The following CREBRF variants were observed in gnomAD, a reference collection of about 807,000 sequenced individuals.
CREBRF encodes the protein CREB3 regulatory factor.
CREBRF carries 5 observed loss-of-function variants against 66.1 expected under a neutral mutation model. That is an observed-to-expected ratio of 0.08 (90% CI 0.04 to 0.16). The LOEUF (loss-of-function observed/expected upper bound fraction) is 0.16, where lower values mean the gene tolerates loss of function less well. Ranked by LOEUF, CREBRF falls within the 10% of genes least tolerant of loss-of-function variation. The pLI, the probability that CREBRF is intolerant of heterozygous loss-of-function variation, is 1.00. For synonymous variants in CREBRF, 229 were observed against 264.4 expected (o/e 0.87, Z 1.30); for missense variants, 531 against 744.9 (o/e 0.71, Z 3.34).
intron 7 of CREBRF, among the ~76,000 whole-genome samples, chr5:173,122,438 T>C (rs1394079411): frequency 6.6e-6 from 1 of 152,016 alleles, no homozygotes; most frequent in African/African-American, 2.4e-5. Flanking sequence ...TGCCACATCA[T>C]TTGAAATCAG....
intron 8 of CREBRF, among the ~76,000 whole-genome samples, chr5:173,126,951 C>T (rs1005049472): frequency 2.0e-5 from 3 of 152,104 alleles, no homozygotes; most frequent in Non-Finnish European, 4.4e-5. Flanking sequence ...CTTTGGGAGG[C>T]TGAGGTGGGA....
chr5:173,104,148 A>T (rs1223728349), intron 4 of CREBRF, among the ~76,000 whole-genome samples: 1 of 152,208 alleles, frequency 6.6e-6, no homozygotes, highest in East Asian at 1.9e-4. Context: ...ATTTACTGTT[A>T]TGATTTCTTA....
chr5:173,067,469 T>C (rs1280408762), intron 1 of CREBRF, among the ~76,000 whole-genome samples: 1 of 152,180 alleles, frequency 6.6e-6, no homozygotes, highest in Non-Finnish European at 1.5e-5. Context: ...TACCTCTTTT[T>C]AGTTCAAGTG....
At chr5:173,102,922 A>G (rs1447850681) in intron 4 of CREBRF, among the ~76,000 whole-genome samples, 1 of 152,130 alleles carries the variant, frequency 6.6e-6, no homozygotes, top group East Asian at 1.9e-4. Flanking sequence ...ACTCCACTCT[A>G]AATTCATCCT....
intron 3 of CREBRF, among the ~76,000 whole-genome samples, chr5:173,087,706 C>G (rs1758201529): frequency 6.6e-6 from 1 of 151,730 alleles, no homozygotes; most frequent in Non-Finnish European, 1.5e-5. Flanking sequence ...AAGGATGCTT[C>G]TGGGTATGGT....
At chr5:173,114,062 C>G (rs907534367) in intron 7 of CREBRF, among the ~76,000 whole-genome samples, 7 of 152,146 alleles carry the variant, frequency 4.6e-5, no homozygotes, top group Non-Finnish European at 1.0e-4. Context: ...CATAGGTGTT[C>G]AATAAACTGT....
chr5:173,075,217 G>C (rs1432389427), intron 1 of CREBRF, among the ~76,000 whole-genome samples: 1 of 152,144 alleles, frequency 6.6e-6, no homozygotes, highest in African/African-American at 2.4e-5. Context: ...ATAATAATCT[G>C]TTTTGAATTT....
In CREBRF at chr5:173,134,352, A is replaced by AT; in HGVS notation, c.*611dup. 3.3e-6 allele frequency: 1 copy of AT among 302,710 alleles called. No homozygotes were observed. The highest frequency in any genetic ancestry group is 2.9e-5 in the South Asian group (1 of 34,806). The allele number at this position is 302,710 out of a possible 1,614,324, so 18.8% of individuals were successfully genotyped here. A position where few individuals can be genotyped will look rare whatever the true frequency, so the allele number is the denominator to read the frequency against. On this transcript the variant is annotated 3_prime_UTR_variant, in exon 9 of 9. Transcript: ENST00000296953. Reference sequence around the variant, plus strand: ...AAAAAGCATATTCTTTGTGCCTTGTATTTTGGGGAAACTCTAAAACTGGTA... The same window carrying AT: ...AAAAAGCATATTCTTTGTGCCTTGTATTTTTGGGGAAACTCTAAAACTGGTA...
intron 7 of CREBRF, among the ~76,000 whole-genome samples, chr5:173,118,066 G>A: frequency 6.6e-6 from 1 of 152,130 alleles, no homozygotes; most frequent in African/African-American, 2.4e-5. Context: ...AGTAGAGACA[G>A]GGTTTCACCA....
chr5:173,066,333 A>G (rs1402687834), intron 1 of CREBRF, among the ~76,000 whole-genome samples: 1 of 152,170 alleles, frequency 6.6e-6, no homozygotes, highest in East Asian at 1.9e-4. Context: ...ACAGTGTAGA[A>G]TGTGACTGCC....
At position 173,086,436 on chromosome 5, in the gene CREBRF, CAT is replaced by C. The variant is rs538900034; in HGVS notation, c.10-62_10-61del. Reference sequence around the variant, plus strand: ...ACTTAGTGGGGGTGGGGTTGGGGCTCATATGTGATAAATTGGTCTCAAAGTAG... The same window carrying C: ...ACTTAGTGGGGGTGGGGTTGGGGCTCATGTGATAAATTGGTCTCAAAGTAG... On this transcript the variant is annotated intron_variant, in intron 2 of 8. Transcript: ENST00000296953. The C allele has an allele frequency of 2.9e-4, 423 of 1,474,538 alleles. 2 individuals carry two copies. The South Asian group carries it at 3.1e-3, about 11-fold the overall frequency. 91.3% of individuals were successfully genotyped at this position (1,474,538 alleles called of 1,614,324 possible).
At position 173,091,218 on chromosome 5, in the gene CREBRF, G is replaced by A. The variant is rs1158846222; in HGVS notation, c.1039G>A (p.Glu347Lys). 11 of 1,614,152 alleles carry A rather than the reference G, an allele frequency of 6.8e-6. No homozygotes were observed. The highest frequency in any genetic ancestry group is 8.5e-6 in the Non-Finnish European group (10 of 1,180,022). Reference sequence around the variant, plus strand: ...TCTTTTTGTCTCCGACAACTTGGGTGAACAGCCAACTAAATGCAGTCCTGA... The same window carrying A: ...TCTTTTTGTCTCCGACAACTTGGGTAAACAGCCAACTAAATGCAGTCCTGA... Reference protein sequence around the residue: ...YSLFVSDNLGEQPTKCSPEED... With the variant: ...YSLFVSDNLGKQPTKCSPEED... Residue 347 changes from glutamate to lysine, a missense_variant, in exon 4 of 9, where the codon GAA becomes AAA. Coordinates refer to ENST00000296953, the MANE Select transcript of CREBRF (RefSeq NM_153607.3).
At chr5:173,110,768 C>A in intron 6 of CREBRF, 57 bp downstream of exon 6, 1 of 1,315,048 alleles carries the variant, frequency 7.6e-7, no homozygotes, top group Non-Finnish European at 1.0e-6. Context: ...AGGTTAGTCC[C>A]TAAGTGAGTT....
rs756467453 is a variant in CREBRF at position 173,110,506 on chromosome 5, T to G, written c.1418-16T>G. The G allele has an allele frequency of 1.1e-5, 18 of 1,597,096 alleles. 1 individual carries two copies. Among genetic ancestry groups the G allele is most frequent in the Non-Finnish European group, 1.5e-5 (18 of 1,164,716 alleles). On this transcript the variant is annotated splice_polypyrimidine_tract_variant and intron_variant, in intron 5 of 8. Coordinates refer to ENST00000296953, the MANE Select transcript of CREBRF (RefSeq NM_153607.3). ...TTAAAGTGATCTGACTTAAACTTCT[T>G]TTAAACTGTTTATAGGAAAATATGC...
intron 1 of CREBRF, among the ~76,000 whole-genome samples, chr5:173,064,349 C>T (rs1757370039): frequency 6.6e-6 from 1 of 152,014 alleles, no homozygotes; most frequent in Admixed American, 6.6e-5. Flanking sequence ...TTCTAGCATC[C>T]TAGTGGTATG....
chr5:173,124,863 C>T lies in CREBRF; in HGVS notation c.1804+1661C>T, dbSNP rs116543642. 3.0e-3 allele frequency among the ~76,000 whole-genome samples: 454 copies of T among 150,210 alleles called. 1 individual carries two copies. The highest frequency in any genetic ancestry group is 0.01 in the African/African-American group (418 of 41,150). On this transcript the variant is annotated intron_variant, in intron 8 of 8. Coordinates refer to ENST00000296953, the MANE Select transcript of CREBRF (RefSeq NM_153607.3). ...TTTTTGGCCCATCTTTAGTATTCGT[C>T]TGTCTTTCTTTTCTCTTTTCTTCTT...
Position 173,122,959 on chromosome 5 carries a change from T to C in CREBRF, c.1682-121T>C, listed in dbSNP as rs1581046249. 6.0e-6 allele frequency: 5 copies of C among 826,838 alleles called. No individual in the cohort carries two copies. The East Asian group carries it at 1.5e-4, about 24-fold the overall frequency. The allele number at this position is 826,838 out of a possible 1,614,324, so 51.2% of individuals were successfully genotyped here. Reference sequence around the variant, plus strand: ...TTTTTTATGGCTGCATAGTATTCCATGGTGTATATGTGCCACATTTTCTTA... The same window carrying C: ...TTTTTTATGGCTGCATAGTATTCCACGGTGTATATGTGCCACATTTTCTTA... On this transcript the variant is annotated intron_variant, in intron 7 of 8. Transcript: ENST00000296953.
intron 1 of CREBRF, among the ~76,000 whole-genome samples, chr5:173,075,270 C>T (rs1168673158): frequency 3.3e-5 from 5 of 152,122 alleles, no homozygotes; most frequent in South Asian, 2.1e-4. Flanking sequence ...GAACTGCTAT[C>T]AAAGGGTAAA....
At chr5:173,108,985 A>G in intron 5 of CREBRF, 167 bp downstream of exon 5, 1 of 611,124 alleles carries the variant, frequency 1.6e-6, no homozygotes, top group Non-Finnish European at 2.8e-6. Flanking sequence ...ACTCACAAAT[A>G]GCTTTTACCA....
Sources: allele counts gnomAD v4.1 joint callset (sites outside exome capture counted in the v4.1 genomes callset), GRCh38; gene constraint gnomAD v4.1.1; transcripts MANE v1.5; gene names NCBI Gene and HGNC (gene_info 2026-07-23, HGNC 2026-07-21).